CIB1: variants seen among roughly 807,000 people sequenced by gnomAD.
CIB1 encodes the protein calcium and integrin-binding protein 1.
Under a neutral mutation model 25.0 loss-of-function variants are expected in CIB1, and 19 were observed. The observed-to-expected ratio is 0.76, with a 90% CI of 0.53 to 1.12. CIB1 has a LOEUF of 1.12. Ranked by LOEUF, CIB1 falls within the 50% of genes most tolerant of loss-of-function variation. The probability of loss-of-function intolerance (pLI) is 0.00; values close to 1 mark genes in which losing one functional copy is unlikely to be tolerated. For missense variants in CIB1, 236 were observed against 242.6 expected, an observed-to-expected ratio of 0.97 and a Z score of 0.18; for synonymous variants, 104 against 98.5, an observed-to-expected ratio of 1.06 and a Z score of -0.33.
At chr15:90,256,598 TTTCTTTCTTTCCTTCC>T in the CIB1 span, among the ~76,000 whole-genome samples, 108 of 31,296 alleles carry the variant, frequency 3.5e-3, no homozygotes, top group East Asian at 0.067. Context: ...TCTTTCTTTC[TTTCTTTCTTTCCTTCC>T]TTCCTTCCTT....
chr15:90,248,115 C>T, the CIB1 span, among the ~76,000 whole-genome samples: 7 of 151,874 alleles, frequency 4.6e-5, no homozygotes, highest in East Asian at 5.8e-4. Context: ...TCATAGCTCA[C>T]GGCATCCTCT....
chr15:90,250,183 T>A, the CIB1 span, among the ~76,000 whole-genome samples: 3 of 152,034 alleles, frequency 2.0e-5, no homozygotes, highest in African/African-American at 7.2e-5. Flanking sequence ...GCTCTCCAAC[T>A]CCAGACCTCA....
the CIB1 span, among the ~76,000 whole-genome samples, chr15:90,261,512 GC>G: frequency 6.6e-6 from 1 of 151,938 alleles, no homozygotes; most frequent in Non-Finnish European, 1.5e-5. Context: ...TGAAAATCAG[GC>G]CGAGTACGGT....
At chr15:90,257,503 A>G in the CIB1 span, 1 of 995,636 alleles carries the variant, frequency 1.0e-6, no homozygotes, top group East Asian at 2.6e-5. Flanking sequence ...ATCATCTAGA[A>G]TAGCAGTCCT....
the CIB1 span, chr15:90,253,118 C>A: frequency 1.0e-5 from 6 of 594,892 alleles, no homozygotes; most frequent in Non-Finnish European, 1.5e-5. Context: ...AAGTACAGGG[C>A]TGAGGCAAGA....
chr15:90,250,870 G>A, the CIB1 span: 461,256 of 1,613,634 alleles, frequency 0.29, 73,256 homozygotes, highest in East Asian at 0.66. Flanking sequence ...GGAGGAGGAA[G>A]AGAAGGCGGA....
At chr15:90,251,167 A>G in the CIB1 span, among the ~76,000 whole-genome samples, 33,329 of 129,002 alleles carry the variant, frequency 0.26, 5,348 homozygotes, top group East Asian at 0.68. Context: ...AGGCTGGAGT[A>G]CAGTGGCGTG....
At chr15:90,248,802 TA>T in the CIB1 span, among the ~76,000 whole-genome samples, 45 of 147,172 alleles carry the variant, frequency 3.1e-4, 1 homozygote, top group African/African-American at 1.1e-3. Flanking sequence ...AAGTGTTCTC[TA>T]GATTTAGCCA....
At chr15:90,257,289 G>C in the CIB1 span, 2 of 1,607,224 alleles carry the variant, frequency 1.2e-6, no homozygotes, top group Non-Finnish European at 1.7e-6. Flanking sequence ...CTGGTAAGGG[G>C]ACTGGGAAGC....
chr15:90,234,963 C>A (rs1962601264), upstream of CIB1, among the ~76,000 whole-genome samples: 1 of 152,170 alleles, frequency 6.6e-6, no homozygotes, highest in African/African-American at 2.4e-5. Context: ...AATTCTTGAT[C>A]CTTCCAATCC....
At chr15:90,250,791 C>T in the CIB1 span, 4 of 1,614,184 alleles carry the variant, frequency 2.5e-6, no homozygotes, top group East Asian at 8.9e-5. Flanking sequence ...GGGGTTCCCT[C>T]ACCCATTATG....
upstream of CIB1, among the ~76,000 whole-genome samples, chr15:90,235,137 C>T (rs573111787): frequency 1.3e-5 from 2 of 152,316 alleles, no homozygotes; most frequent in Admixed American, 6.5e-5. Flanking sequence ...TCTTCCATCT[C>T]ATCCTCAGGG....
chr15:90,239,730 C>CA, the CIB1 span, among the ~76,000 whole-genome samples: 1 of 152,172 alleles, frequency 6.6e-6, no homozygotes, highest in Non-Finnish European at 1.5e-5. Flanking sequence ...TTTTTTGAGA[C>CA]AGAGTTTCAC....
chr15:90,235,128 C>T (rs1398987209), upstream of CIB1, among the ~76,000 whole-genome samples: 1 of 152,228 alleles, frequency 6.6e-6, no homozygotes, highest in Non-Finnish European at 1.5e-5. Context: ...CTCAGTCCCT[C>T]TTCCATCTCA....
At chr15:90,257,614 C>A in the CIB1 span, 6 of 1,610,998 alleles carry the variant, frequency 3.7e-6, no homozygotes, top group East Asian at 1.3e-4. Context: ...CAGTCTGAGA[C>A]CACAGGGCCA....
upstream of CIB1, chr15:90,234,010 G>T: frequency 9.0e-7 from 1 of 1,113,120 alleles, no homozygotes; most frequent in East Asian, 2.9e-5. Flanking sequence ...CCACCCCCGG[G>T]CCCGCCCCCT....
At chr15:90,265,367 A>C in the CIB1 span, 1 of 1,231,674 alleles carries the variant, frequency 8.1e-7, no homozygotes. Flanking sequence ...TGCCGAGCGG[A>C]AGCCCTGCCC....
At position 90,233,703 on chromosome 15, in the gene CIB1, C is replaced by A. The variant is rs1437687711; in HGVS notation, c.52G>T (p.Asp18Tyr). The change falls in exon 2 of 7, where the codon GAC (aspartate) becomes TAC (tyrosine). Residue 18 changes from aspartate to tyrosine, a missense_variant and splice_region_variant. Transcript: ENST00000328649. ...LSKELLAEYQ[D>Y]LTFLTKQEIL... ...TCCTGCTTCGTCAGGAACGTCAAGT[C>A]CTGGAAGGCAAAGCCAGAGCGGGGA... 1 of 1,574,388 alleles carries A rather than the reference C, an allele frequency of 6.4e-7. No individual in the cohort carries two copies.
chr15:90,251,460 A>C, the CIB1 span: 2 of 1,300,338 alleles, frequency 1.5e-6, no homozygotes, highest in Admixed American at 1.7e-5. Flanking sequence ...TCTAGAGAAA[A>C]GGAATTGTGT....
Sources: allele counts gnomAD v4.1 joint callset (sites outside exome capture counted in the v4.1 genomes callset), GRCh38; gene constraint gnomAD v4.1.1; transcripts MANE v1.5; gene names NCBI Gene and HGNC (gene_info 2026-07-23, HGNC 2026-07-21).